PDCD1LG2: variants seen among roughly 807,000 people sequenced by gnomAD.
PDCD1LG2 encodes programmed cell death 1 ligand 2.
PDCD1LG2 carries 32 observed loss-of-function variants against 28.2 expected under a neutral mutation model. The ratio of observed to expected loss-of-function variants is 1.13; its 90% CI spans 0.86 to 1.52. The LOEUF is 1.52. PDCD1LG2 is among the 40% of genes most tolerant of loss of function. The probability of loss-of-function intolerance (pLI) is 0.00; values close to 1 mark genes in which losing one functional copy is unlikely to be tolerated. For synonymous variants in PDCD1LG2, 116 were observed against 120.2 expected (o/e 0.97, Z 0.23); for missense variants, 385 against 323.8 (o/e 1.19, Z -1.45).
intron 6 of PDCD1LG2, among the ~76,000 whole-genome samples, chr9:5,565,548 T>C (rs1816649847): frequency 1.3e-5 from 2 of 152,204 alleles, no homozygotes; most frequent in Admixed American, 1.3e-4. Context: ...CTTTTTATTT[T>C]TCCTCTGCAT....
intron 4 of PDCD1LG2, among the ~76,000 whole-genome samples, chr9:5,550,527 A>G (rs912223108): frequency 6.6e-6 from 1 of 152,174 alleles, no homozygotes; most frequent in African/African-American, 2.4e-5. Flanking sequence ...CTGGGCTCAA[A>G]TCAAGGTGTC....
chr9:5,555,188 G>T (rs1285364171), intron 4 of PDCD1LG2, among the ~76,000 whole-genome samples: 1 of 152,154 alleles, frequency 6.6e-6, no homozygotes, highest in Admixed American at 6.5e-5. Flanking sequence ...GCTGAGATGG[G>T]TGGATTGCTT....
intron 6 of PDCD1LG2, among the ~76,000 whole-genome samples, chr9:5,563,422 C>T (rs1352909912): frequency 2.0e-5 from 3 of 152,152 alleles, no homozygotes; most frequent in Admixed American, 6.6e-5. Context: ...CCTAAGCACT[C>T]CTAGATGATA....
rs970327825 is a variant in PDCD1LG2 at position 5,556,292 on chromosome 9, G to T, written c.632-1326G>T. On this transcript the variant is annotated intron_variant, in intron 4 of 6. Transcript: ENST00000397747. Reference sequence around the variant, plus strand: ...GGCCCAGGTCTCCTTGACTCACAAAGTGCTTACTAAGCACTTACTAGAAAT... The same window carrying T: ...GGCCCAGGTCTCCTTGACTCACAAATTGCTTACTAAGCACTTACTAGAAAT... Among the ~76,000 whole-genome samples the T allele has an allele frequency of 2.6e-5, 4 of 152,204 alleles. No individual in the cohort carries two copies. The East Asian group carries it at 7.7e-4, about 29-fold the overall frequency.
Position 5,549,376 on chromosome 9 carries a change from G to T in PDCD1LG2, c.403G>T (p.Glu135Ter). ...AAACACTCACATCCTAAAGGTTCCAGAAACAGATGAGGTAGAGCTCACCTG... is the reference window on the plus strand; with the variant it reads ...AAACACTCACATCCTAAAGGTTCCATAAACAGATGAGGTAGAGCTCACCTG... The part of the protein sequence containing the change: ...KINTHILKVP[E>*]TDEVELTCQA... The change falls in exon 4 of 7, where the codon GAA becomes TAA. Residue 135 changes from glutamate to a stop codon, truncating the protein, a stop_gained. Coordinates refer to ENST00000397747, the MANE Select transcript of PDCD1LG2 (RefSeq NM_025239.4). LOFTEE classifies it high-confidence loss of function. The T allele has an allele frequency of 6.2e-7, 1 of 1,614,096 alleles. No homozygotes were observed. Among genetic ancestry groups the T allele is most frequent in the Non-Finnish European group, 8.5e-7 (1 of 1,179,972 alleles).
At chr9:5,555,143 G>A (rs1408661463) in intron 4 of PDCD1LG2, among the ~76,000 whole-genome samples, 1 of 152,134 alleles carries the variant, frequency 6.6e-6, no homozygotes, top group African/African-American at 2.4e-5. Flanking sequence ...GGCCAGGTGC[G>A]GTGGCTCATG....
At chr9:5,518,554 C>T (rs1035900901) in intron 1 of PDCD1LG2, among the ~76,000 whole-genome samples, 6 of 152,212 alleles carry the variant, frequency 3.9e-5, no homozygotes, top group African/African-American at 1.4e-4. Context: ...ATAAGGAAGG[C>T]TATCTTCTGG....
chr9:5,517,371 T>G (rs1490950860), intron 1 of PDCD1LG2, among the ~76,000 whole-genome samples: 1 of 152,068 alleles, frequency 6.6e-6, no homozygotes, highest in Non-Finnish European at 1.5e-5. Flanking sequence ...AATTCCAGTG[T>G]TTCAAAGACA....
At chr9:5,541,736 C>T (rs1246961432) in intron 3 of PDCD1LG2, among the ~76,000 whole-genome samples, 1 of 151,996 alleles carries the variant, frequency 6.6e-6, no homozygotes, top group Non-Finnish European at 1.5e-5. Flanking sequence ...GTGAAAATGA[C>T]CATACTTTGT....
chr9:5,512,026 G>C (rs1277813817), intron 1 of PDCD1LG2, among the ~76,000 whole-genome samples: 1 of 152,186 alleles, frequency 6.6e-6, no homozygotes, highest in Non-Finnish European at 1.5e-5. Context: ...TCGTGTAATG[G>C]ACAGGGGGAA....
In PDCD1LG2 at chr9:5,525,031, T is replaced by C. The variant is rs76300911; in HGVS notation, c.55+2430T>C. Among the ~76,000 whole-genome samples, 1,519 of 152,290 alleles carry C rather than the reference T, an allele frequency of 1.0e-2. 30 individuals carry two copies. The highest frequency in any genetic ancestry group is 0.034 in the African/African-American group (1,421 of 41,564). ...TGCTTAGTACCCTATCAGTGCACAT[T>C]TCTTTTCTATTTTTAAATTTTAAAA... On this transcript the variant is annotated intron_variant, in intron 2 of 6. Coordinates refer to ENST00000397747, the MANE Select transcript of PDCD1LG2 (RefSeq NM_025239.4).
chr9:5,547,654 A>C (rs562043162), intron 3 of PDCD1LG2, among the ~76,000 whole-genome samples: 1 of 152,166 alleles, frequency 6.6e-6, no homozygotes, highest in Non-Finnish European at 1.5e-5. Context: ...AGAGTCAATC[A>C]AGCCGGGCAC....
chr9:5,558,258 T>C (rs1490479086), intron 5 of PDCD1LG2, among the ~76,000 whole-genome samples: 1 of 152,254 alleles, frequency 6.6e-6, no homozygotes, highest in African/African-American at 2.4e-5. Context: ...AGGAAACAGC[T>C]GGTTGGTGGT....
chr9:5,537,786 A>G (rs535815200), intron 3 of PDCD1LG2, among the ~76,000 whole-genome samples: 1 of 152,278 alleles, frequency 6.6e-6, no homozygotes, highest in African/African-American at 2.4e-5. Flanking sequence ...GTTTAATGAC[A>G]AGTTAATGGG....
intron 6 of PDCD1LG2, 85 bp downstream of exon 6, chr9:5,563,296 T>G: frequency 8.6e-7 from 1 of 1,166,812 alleles, no homozygotes; most frequent in Non-Finnish European, 1.2e-6. Context: ...TTCTATTAAT[T>G]CATGGAAGGC....
intron 4 of PDCD1LG2, 71 bp from the exon 5 acceptor site, chr9:5,557,547 C>A (rs2129919435): frequency 6.4e-7 from 1 of 1,552,782 alleles, no homozygotes; most frequent in Non-Finnish European, 8.9e-7. Context: ...GTCACCCACT[C>A]ATGTGGCCAG....
At chr9:5,552,507 T>A (rs2038131870) in intron 4 of PDCD1LG2, among the ~76,000 whole-genome samples, 1 of 152,132 alleles carries the variant, frequency 6.6e-6, no homozygotes, top group African/African-American at 2.4e-5. Flanking sequence ...ATAGCCCTGG[T>A]ACAGACGTAG....
chr9:5,560,819 A>G (rs957611815), intron 5 of PDCD1LG2, among the ~76,000 whole-genome samples: 1 of 152,140 alleles, frequency 6.6e-6, no homozygotes, highest in Admixed American at 6.5e-5. Context: ...TCTGTGTACT[A>G]AAGTGTATTG....
In PDCD1LG2 at chr9:5,571,194, T is replaced by C. The variant is rs1269600335; in HGVS notation, c.*1235T>C. 1 of 232,836 alleles carries C rather than the reference T, an allele frequency of 4.3e-6. No homozygotes were observed. The highest frequency in any genetic ancestry group is 2.2e-5 in the African/African-American group (1 of 45,334). 14.4% of individuals were successfully genotyped at this position (232,836 alleles called of 1,614,324 possible). A position where few individuals can be genotyped will look rare whatever the true frequency, so the allele number is the denominator to read the frequency against. ...CAGACAAATCATACATCTCAGTTTC[T>C]CAATTCTCATGTAAATCAGAGAATG... On this transcript the variant is annotated 3_prime_UTR_variant, in exon 7 of 7. Transcript: ENST00000397747.
Sources: allele counts gnomAD v4.1 joint callset (sites outside exome capture counted in the v4.1 genomes callset), GRCh38; gene constraint gnomAD v4.1.1; transcripts MANE v1.5; gene names NCBI Gene and HGNC (gene_info 2026-07-23, HGNC 2026-07-21).